Variants in GRID2 observed in about 807,000 individuals in gnomAD.
GRID2 encodes glutamate receptor ionotropic, delta-2.
GRID2 carries 33 observed loss-of-function variants against 114.8 expected under a neutral mutation model. That is an observed-to-expected ratio of 0.29 (90% CI 0.22 to 0.38). The LOEUF (loss-of-function observed/expected upper bound fraction) is 0.38, where lower values mean the gene tolerates loss of function less well. Ranked by LOEUF, GRID2 falls within the 10% of genes least tolerant of loss-of-function variation. The pLI, the probability that GRID2 is intolerant of heterozygous loss-of-function variation, is 1.00. For missense variants in GRID2, 1,184 were observed against 1,257.7 expected (o/e 0.94, Z 0.89); for synonymous variants, 505 against 449.9 (o/e 1.12, Z -1.55).
chr4:93,076,461 C>A (rs1311212265), intron 2 of GRID2, among the ~76,000 whole-genome samples: 1 of 151,920 alleles, frequency 6.6e-6, no homozygotes, highest in African/African-American at 2.4e-5. Flanking sequence ...AAAAATGCGA[C>A]AATGGTAAAA....
intron 4 of GRID2, among the ~76,000 whole-genome samples, chr4:93,138,326 T>C: frequency 6.6e-6 from 1 of 151,774 alleles, no homozygotes; most frequent in East Asian, 1.9e-4. Context: ...TTGTACCATA[T>C]TTATGTTGTA....
chr4:93,181,730 A>T (rs1739918119), intron 4 of GRID2, among the ~76,000 whole-genome samples: 2 of 152,046 alleles, frequency 1.3e-5, no homozygotes, highest in Non-Finnish European at 2.9e-5. Context: ...CTTCCAACTT[A>T]CCTTCTGCAG....
chr4:93,573,336 TA>T (rs1736108277), intron 13 of GRID2, among the ~76,000 whole-genome samples: 1 of 152,174 alleles, frequency 6.6e-6, no homozygotes, highest in South Asian at 2.1e-4. Context: ...AAACTAGCAC[TA>T]ATGGAGTGTC....
intron 8 of GRID2, among the ~76,000 whole-genome samples, chr4:93,376,992 AT>A (rs1763442504): frequency 6.6e-6 from 1 of 152,166 alleles, no homozygotes; most frequent in South Asian, 2.1e-4. Flanking sequence ...ATAAAAATAA[AT>A]TATTCTAAAT....
At chr4:92,340,076 A>G (rs1560575521) in intron 1 of GRID2, among the ~76,000 whole-genome samples, 1 of 152,210 alleles carries the variant, frequency 6.6e-6, no homozygotes, top group Non-Finnish European at 1.5e-5. Context: ...TGAAGTATTT[A>G]AATGAACAAT....
intron 4 of GRID2, among the ~76,000 whole-genome samples, chr4:93,178,452 A>G (rs1005842124): frequency 7.8e-6 from 1 of 128,108 alleles, no homozygotes; most frequent in Non-Finnish European, 1.5e-5. Flanking sequence ...GCTGGAGTAC[A>G]GTGATGCAAT....
intron 2 of GRID2, among the ~76,000 whole-genome samples, chr4:92,613,302 A>T (rs1729843353): frequency 6.6e-6 from 1 of 151,360 alleles, no homozygotes; most frequent in South Asian, 2.1e-4. Flanking sequence ...TATTTTTTAC[A>T]TATTACTGAA....
intron 2 of GRID2, among the ~76,000 whole-genome samples, chr4:92,942,701 C>G (rs889215299): frequency 6.6e-6 from 1 of 152,162 alleles, no homozygotes; most frequent in Non-Finnish European, 1.5e-5. Flanking sequence ...TTTGCAGTGG[C>G]TGGTACCGGT....
At chr4:92,734,127 C>T (rs1736469956) in intron 2 of GRID2, among the ~76,000 whole-genome samples, 1 of 151,950 alleles carries the variant, frequency 6.6e-6, no homozygotes, top group Non-Finnish European at 1.5e-5. Flanking sequence ...TTACATGTTT[C>T]TATCAGCCCT....
At chr4:92,379,913 G>T (rs1729533283) in intron 1 of GRID2, among the ~76,000 whole-genome samples, 1 of 151,984 alleles carries the variant, frequency 6.6e-6, no homozygotes, top group Non-Finnish European at 1.5e-5. Flanking sequence ...CTGTGGTATA[G>T]CTGTAGAGGT....
chr4:93,366,272 T>A (rs938865283), intron 8 of GRID2, among the ~76,000 whole-genome samples: 1 of 152,146 alleles, frequency 6.6e-6, no homozygotes, highest in Non-Finnish European at 1.5e-5. Flanking sequence ...TTTCTCAGCA[T>A]GGAACATCCC....
intron 4 of GRID2, among the ~76,000 whole-genome samples, chr4:93,180,325 A>G (rs1057152702): frequency 1.3e-5 from 2 of 152,150 alleles, no homozygotes; most frequent in African/African-American, 4.8e-5. Context: ...AAATGTACAT[A>G]GGGCCATTAG....
intron 8 of GRID2, among the ~76,000 whole-genome samples, chr4:93,341,220 C>A (rs944237532): frequency 1.7e-4 from 26 of 152,166 alleles, no homozygotes; most frequent in Admixed American, 1.5e-3. Context: ...TCGGTAGATA[C>A]TACATATGAC....
intron 1 of GRID2, among the ~76,000 whole-genome samples, chr4:92,383,201 G>A (rs1729703722): frequency 6.6e-6 from 1 of 151,760 alleles, no homozygotes. Flanking sequence ...CTCCTACCAG[G>A]CCCCACCTCC....
intron 12 of GRID2, among the ~76,000 whole-genome samples, chr4:93,495,224 G>A (rs1011890245): frequency 5.3e-5 from 8 of 151,674 alleles, no homozygotes; most frequent in African/African-American, 1.9e-4. Context: ...TAACTAATAT[G>A]GGATAGCATT....
At chr4:93,482,884 C>G (rs1263153726) in intron 11 of GRID2, among the ~76,000 whole-genome samples, 1 of 151,774 alleles carries the variant, frequency 6.6e-6, no homozygotes, top group Non-Finnish European at 1.5e-5. Flanking sequence ...ATAGTGAACC[C>G]ATTATCCTGT....
intron 2 of GRID2, among the ~76,000 whole-genome samples, chr4:93,037,601 T>G (rs911720926): frequency 1.3e-5 from 2 of 152,334 alleles, no homozygotes; most frequent in African/African-American, 4.8e-5. Context: ...TAATCTCTCT[T>G]GAGTTAATTT....
At chr4:92,336,226 T>A (rs1727156705) in intron 1 of GRID2, among the ~76,000 whole-genome samples, 1 of 152,168 alleles carries the variant, frequency 6.6e-6, no homozygotes, top group Non-Finnish European at 1.5e-5. Context: ...AGAACTGATA[T>A]CCTTTTCTAA....
At chr4:93,695,580 G>T (rs549907909) in intron 14 of GRID2, among the ~76,000 whole-genome samples, 1 of 152,296 alleles carries the variant, frequency 6.6e-6, no homozygotes, top group South Asian at 2.1e-4. Context: ...CATGCTCTAT[G>T]GTCAGGATGA....
Sources: gnomAD v4.1 joint callset for allele counts (sites outside exome capture counted in the v4.1 genomes callset) on GRCh38, gnomAD v4.1.1 for gene constraint, MANE v1.5 for transcripts, NCBI Gene and HGNC (gene_info 2026-07-23, HGNC 2026-07-21) for gene names.